ASTN1: variants seen among roughly 807,000 people sequenced by gnomAD.
ASTN1 encodes astrotactin-1.
A neutral mutation model predicts 140.7 loss-of-function variants in ASTN1; 41 were observed. The ratio of observed to expected loss-of-function variants is 0.29; its 90% CI spans 0.23 to 0.38. ASTN1 has a LOEUF of 0.38. Among genes scored for constraint, ASTN1 ranks in the 10% least tolerant of loss-of-function variants. ASTN1 has a pLI of 1.00. For missense variants in ASTN1, 1,479 were observed against 1,678.8 expected (o/e 0.88, Z 2.08); for synonymous variants, 640 against 652.2 (o/e 0.98, Z 0.29).
In ASTN1 at chr1:176,863,792, C is replaced by A. The variant is rs1191938783; in HGVS notation, c.*492G>T. ...ATTTTCTATTGTCTCTCTCTGTGAG[C>A]AGGGCCAAGGCTCCCAGAGTGAGAC... On this transcript the variant is annotated 3_prime_UTR_variant, in exon 23 of 23. Coordinates refer to ENST00000361833, the MANE Select transcript of ASTN1 (RefSeq NM_004319.3). The A allele has an allele frequency of 2.7e-5, 27 of 989,226 alleles. No homozygotes were observed. The highest frequency in any genetic ancestry group is 3.2e-5 in the Non-Finnish European group (27 of 832,230). The allele number at this position is 989,226 out of a possible 1,614,324, so 61.3% of individuals were successfully genotyped here.
Position 177,104,564 on chromosome 1 carries a change from C to T in ASTN1, c.284-43299G>A, listed in dbSNP as rs1001997272. 3.9e-5 allele frequency among the ~76,000 whole-genome samples: 6 copies of T among 152,278 alleles called. No individual in the cohort carries two copies. The East Asian group carries it at 1.2e-3, about 29-fold the overall frequency. On this transcript the variant is annotated intron_variant, in intron 1 of 22. Coordinates refer to ENST00000361833, the MANE Select transcript of ASTN1 (RefSeq NM_004319.3). Reference sequence around the variant, plus strand: ...TCCATTAATATTCCCCACATACGTTCACCAAACAGTGTCTCAGCATCAATA... The same window carrying T: ...TCCATTAATATTCCCCACATACGTTTACCAAACAGTGTCTCAGCATCAATA...
At chr1:177,137,274 A>G (rs772660337) in intron 1 of ASTN1, among the ~76,000 whole-genome samples, 6 of 152,230 alleles carry the variant, frequency 3.9e-5, no homozygotes, top group Non-Finnish European at 7.3e-5. Flanking sequence ...CATGACTCAA[A>G]AAGGAAAACA....
At chr1:177,030,159 A>G (rs1676352493) in intron 4 of ASTN1, among the ~76,000 whole-genome samples, 1 of 152,254 alleles carries the variant, frequency 6.6e-6, no homozygotes, top group Non-Finnish European at 1.5e-5. Flanking sequence ...AATACAAAAA[A>G]GACAGAATAG....
At chr1:176,906,255 A>G (rs1221928312) in intron 16 of ASTN1, among the ~76,000 whole-genome samples, 2 of 152,158 alleles carry the variant, frequency 1.3e-5, no homozygotes, top group African/African-American at 4.8e-5. Context: ...CTCTTTAAAT[A>G]TTTGAAGGGT....
At chr1:176,925,950 T>C (rs1247620722) in intron 16 of ASTN1, among the ~76,000 whole-genome samples, 3 of 151,806 alleles carry the variant, frequency 2.0e-5, no homozygotes, top group Non-Finnish European at 4.4e-5. Context: ...GGACTACAGG[T>C]GCCCGGCACC....
intron 1 of ASTN1, among the ~76,000 whole-genome samples, chr1:177,085,376 T>A (rs1361749053): frequency 6.6e-6 from 1 of 152,154 alleles, no homozygotes; most frequent in East Asian, 1.9e-4. Flanking sequence ...TCTAGAGCAT[T>A]TTTATTTTAA....
At chr1:176,995,632 T>G (rs1235821140) in intron 8 of ASTN1, among the ~76,000 whole-genome samples, 1 of 152,116 alleles carries the variant, frequency 6.6e-6, no homozygotes, top group Non-Finnish European at 1.5e-5. Context: ...CAGAGAGGGT[T>G]GGCAGGAACC....
At chr1:177,158,150 C>A (rs968744644) in intron 1 of ASTN1, among the ~76,000 whole-genome samples, 1 of 152,138 alleles carries the variant, frequency 6.6e-6, no homozygotes, top group Non-Finnish European at 1.5e-5. Flanking sequence ...AATACCAAAT[C>A]GTTTCACAAA....
At chr1:176,955,879 C>A (rs998974856) in intron 11 of ASTN1, among the ~76,000 whole-genome samples, 27 of 152,296 alleles carry the variant, frequency 1.8e-4, no homozygotes, top group Middle Eastern at 3.4e-3. Context: ...GAAGGAGGTG[C>A]ACATATGAAC....
At chr1:177,013,612 G>A (rs1225159793) in intron 8 of ASTN1, among the ~76,000 whole-genome samples, 1 of 152,134 alleles carries the variant, frequency 6.6e-6, no homozygotes, top group African/African-American at 2.4e-5. Flanking sequence ...GCAGATCATT[G>A]ACCTCAGGGA....
intron 1 of ASTN1, among the ~76,000 whole-genome samples, chr1:177,128,982 T>C (rs2102197897): frequency 6.6e-6 from 1 of 152,266 alleles, no homozygotes; most frequent in East Asian, 1.9e-4. Context: ...TTGTCAAAGG[T>C]GCCAACGAGC....
At chr1:176,961,889 A>G (rs997397869) in intron 9 of ASTN1, among the ~76,000 whole-genome samples, 1 of 152,164 alleles carries the variant, frequency 6.6e-6, no homozygotes, top group African/African-American at 2.4e-5. Context: ...TGACCAGTGC[A>G]GTTGATGGCT....
At chr1:176,998,384 A>G (rs974223671) in intron 8 of ASTN1, among the ~76,000 whole-genome samples, 8 of 152,130 alleles carry the variant, frequency 5.3e-5, no homozygotes, top group Admixed American at 4.6e-4. Context: ...TGGTATATTC[A>G]TCTCCCTCCC....
chr1:177,043,209 C>A (rs952336217), intron 2 of ASTN1, among the ~76,000 whole-genome samples: 2 of 152,210 alleles, frequency 1.3e-5, no homozygotes, highest in Non-Finnish European at 2.9e-5. Context: ...AGACTCTGGT[C>A]TGTTTGTTCT....
intron 2 of ASTN1, among the ~76,000 whole-genome samples, chr1:177,051,336 C>T (rs1306863453): frequency 1.3e-5 from 2 of 152,214 alleles, no homozygotes; most frequent in African/African-American, 4.8e-5. Flanking sequence ...AACCTATGGC[C>T]TCCAGGCCAA....
chr1:176,898,206 C>A (rs1669608593), intron 16 of ASTN1, among the ~76,000 whole-genome samples: 1 of 152,208 alleles, frequency 6.6e-6, no homozygotes, highest in African/African-American at 2.4e-5. Flanking sequence ...ATGTAGAAAT[C>A]CGTGGAGGGA....
intron 1 of ASTN1, among the ~76,000 whole-genome samples, chr1:177,120,487 C>A (rs1681329216): frequency 6.6e-6 from 1 of 152,200 alleles, no homozygotes; most frequent in South Asian, 2.1e-4. Flanking sequence ...AAACTTACTT[C>A]CACAATCAAA....
At chr1:177,054,303 T>A (rs1013603281) in intron 2 of ASTN1, among the ~76,000 whole-genome samples, 1 of 152,218 alleles carries the variant, frequency 6.6e-6, no homozygotes, top group Admixed American at 6.5e-5. Flanking sequence ...TGAAACAATG[T>A]CTAGCACATA....
chr1:176,858,273 C>T (rs764422235), downstream of ASTN1, among the ~76,000 whole-genome samples: 5 of 152,178 alleles, frequency 3.3e-5, no homozygotes, highest in Non-Finnish European at 7.4e-5. Flanking sequence ...CCTGGACTCC[C>T]ACATATGTCC....
Sources: gnomAD v4.1 joint callset for allele counts (sites outside exome capture counted in the v4.1 genomes callset) on GRCh38, gnomAD v4.1.1 for gene constraint, MANE v1.5 for transcripts, NCBI Gene and HGNC (gene_info 2026-07-23, HGNC 2026-07-21) for gene names.